The following IL24 variants were observed in gnomAD, a reference collection of about 807,000 sequenced individuals.
IL24 encodes interleukin 24.
In IL24, 24 loss-of-function variants were observed where a neutral mutation model predicts 27.6. The observed-to-expected ratio is 0.87, with a 90% confidence interval of 0.63 to 1.22. IL24 has a LOEUF of 1.22. Ranked by LOEUF, IL24 falls within the 50% of genes most tolerant of loss-of-function variation. The pLI is 0.00. For missense variants in IL24, 240 were observed against 237.0 expected, an observed-to-expected ratio of 1.01 and a Z score of -0.08; for synonymous variants, 99 against 93.1, an observed-to-expected ratio of 1.06 and a Z score of -0.36.
At position 206,903,002 on chromosome 1, in the gene IL24, A is replaced by G. The variant is rs1203456206; in HGVS notation, c.564A>G (p.Lys188=). 6.2e-7 allele frequency: 1 copy of G among 1,614,170 alleles called. No individual in the cohort carries two copies. The highest frequency in any genetic ancestry group is 1.1e-5 in the South Asian group (1 of 91,078). ...KQLDVEAALT[K]ALGEVDILLT... is the part of the protein sequence containing the mutation. ...TGGACGTAGAAGCAGCTCTGACCAAAGCCCTTGGGGAAGTGGACATTCTTC... is the reference window on the plus strand; with the variant it reads ...TGGACGTAGAAGCAGCTCTGACCAAGGCCCTTGGGGAAGTGGACATTCTTC... Residue 188 remains lysine (K), a synonymous_variant, in exon 7 of 7, where the codon AAA becomes AAG. Coordinates refer to ENST00000294984, the MANE Select transcript of IL24 (RefSeq NM_006850.3).
chr1:206,902,072 G>A lies in IL24; in HGVS notation c.537G>A (p.Gln179=). Residue 179 remains glutamine (Q), a splice_region_variant and synonymous_variant, in exon 6 of 7, where the codon CAG becomes CAA. Coordinates refer to ENST00000294984, the MANE Select transcript of IL24 (RefSeq NM_006850.3). ...TGCTATTCCGGAGAGCATTCAAACA[G>A]GTAAGGCCAAGAGCTGAGAGCTTGC... ...RFLLFRRAFK[Q]LDVEAALTKA... The A allele has an allele frequency of 6.2e-7, 1 of 1,613,992 alleles. No individual in the cohort carries two copies. The highest frequency in any genetic ancestry group is 8.5e-7 in the Non-Finnish European group (1 of 1,180,002).
chr1:206,898,825 G>T (rs1678258540), intron 2 of IL24, among the ~76,000 whole-genome samples: 1 of 152,198 alleles, frequency 6.6e-6, no homozygotes, highest in Admixed American at 6.5e-5. Flanking sequence ...GTGATGAGGA[G>T]TGAGGGACAG....
intron 6 of IL24, chr1:206,902,639 G>A: frequency 9.1e-6 from 9 of 985,278 alleles, no homozygotes; most frequent in Non-Finnish European, 1.1e-5. Context: ...TGATGGAGAG[G>A]GGCCACCTGG....
rs1342930590 is a variant in IL24 at position 206,903,168 on chromosome 1, G to C, written c.*109G>C. On this transcript the variant is annotated 3_prime_UTR_variant, in exon 7 of 7. Coordinates refer to ENST00000294984, the MANE Select transcript of IL24 (RefSeq NM_006850.3). ...CTGGACACTTCACGCCCTTGGCCATGGGTCCCATTCTTGGCCCAGGATTAT... is the reference window on the plus strand; with the variant it reads ...CTGGACACTTCACGCCCTTGGCCATCGGTCCCATTCTTGGCCCAGGATTAT... 3.2e-6 allele frequency: 3 copies of C among 929,120 alleles called. No homozygotes were observed. Among genetic ancestry groups the C allele is most frequent in the African/African-American group, 3.3e-5 (2 of 61,276 alleles). The allele number at this position is 929,120 out of a possible 1,614,324, so 57.6% of individuals were successfully genotyped here. A position where few individuals can be genotyped will look rare whatever the true frequency, so the allele number is the denominator to read the frequency against.
chr1:206,898,959 G>A (rs1346619311), intron 2 of IL24, among the ~76,000 whole-genome samples: 1 of 152,154 alleles, frequency 6.6e-6, no homozygotes, highest in Non-Finnish European at 1.5e-5. Flanking sequence ...CTCCCCAGAC[G>A]TGGCACATTA....
At position 206,897,821 on chromosome 1, in the gene IL24, C is replaced by G. The variant is rs572124530; in HGVS notation, c.-12C>G. The G allele has an allele frequency of 1.9e-6, 3 of 1,612,076 alleles. No homozygotes were observed. The highest frequency in any genetic ancestry group is 1.3e-5 in the African/African-American group (1 of 74,814). On this transcript the variant is annotated 5_prime_UTR_variant, in exon 2 of 7. Transcript: ENST00000294984. ...CTTGGGAGGAAGGCCAGGAGGAACA[C>G]GAGACTGAGAGATGAATTTTCAACA...
chr1:206,897,488 A>T lies in IL24; in HGVS notation c.-230A>T, dbSNP rs897413045. 3.4e-5 allele frequency: 6 copies of T among 178,176 alleles called. No homozygotes were observed. The highest frequency in any genetic ancestry group is 1.4e-4 in the African/African-American group (6 of 42,220). 11.0% of individuals were successfully genotyped at this position (178,176 alleles called of 1,614,324 possible). A position where few individuals can be genotyped will look rare whatever the true frequency, so the allele number is the denominator to read the frequency against. ...TTCTGAAATGACTTCCACGGCTGGG[A>T]CGGGAACCTTCCACCCACAGCTATG... On this transcript the variant is annotated 5_prime_UTR_variant, in exon 1 of 7. Coordinates refer to ENST00000294984, the MANE Select transcript of IL24 (RefSeq NM_006850.3).
chr1:206,900,230 A>G, intron 3 of IL24, 65 bp from the exon 4 acceptor site: 1 of 1,417,104 alleles, frequency 7.1e-7, no homozygotes, highest in Non-Finnish European at 1.0e-6. Context: ...AGCAGCACAT[A>G]TTTGCAGAGT....
rs546576083 is a variant in IL24, at chr1:206,898,005, A to T, written c.44+129A>T. The T allele has an allele frequency of 1.4e-4, 75 of 535,244 alleles. 1 individual carries two copies. In the South Asian group the frequency reaches 1.6e-3, roughly 12 times the overall value. 33.2% of individuals were successfully genotyped at this position (535,244 alleles called of 1,614,324 possible). ...CTGTCTCTACTAAAAATACAAAAAA[A>T]AATTAGTTGGGCATGTGTTTTTGAT... is the stretch of plus-strand genomic sequence containing the variant. On this transcript the variant is annotated intron_variant, in intron 2 of 6. Transcript: ENST00000294984.
intron 4 of IL24, 49 bp downstream of exon 4, chr1:206,900,406 G>A (rs1476981081): frequency 6.5e-7 from 1 of 1,547,292 alleles, no homozygotes; most frequent in Non-Finnish European, 8.9e-7. Flanking sequence ...GTCTACTGTG[G>A]GTGGGAGTGC....
chr1:206,900,852 A>C (rs1678350916), intron 4 of IL24, among the ~76,000 whole-genome samples: 1 of 152,118 alleles, frequency 6.6e-6, no homozygotes, highest in Admixed American at 6.5e-5. Context: ...ATGTGAGCTC[A>C]TGTGAAGTGA....
At chr1:206,897,697 C>A in intron 1 of IL24, 34 bp from the exon 2 acceptor site, 4 of 773,902 alleles carry the variant, frequency 5.2e-6, no homozygotes, top group Non-Finnish European at 8.5e-6. Context: ...AAGGTGGGGA[C>A]AGCAGAAGTC....
At chr1:206,901,782 T>C in intron 5 of IL24, 130 bp downstream of exon 5, 1 of 867,084 alleles carries the variant, frequency 1.2e-6, no homozygotes, top group Non-Finnish European at 1.8e-6. Flanking sequence ...AAAATGGGGA[T>C]GATCACTCCT....
intron 3 of IL24, 91 bp from the exon 4 acceptor site, chr1:206,900,204 T>C (rs1381753505): frequency 1.7e-6 from 2 of 1,167,878 alleles, no homozygotes; most frequent in Admixed American, 1.7e-5. Context: ...ACTAGATAGA[T>C]TTAGGGGTCT....
Position 206,902,981 on chromosome 1 carries a change from C to T in IL24, c.543C>T (p.Asp181=), listed in dbSNP as rs377743802. Residue 181 remains aspartate (D), a synonymous_variant, in exon 7 of 7, where the codon GAC becomes GAT. Transcript: ENST00000294984. ...CAACCCTCTTTTCCCTTTAGTTGGA[C>T]GTAGAAGCAGCTCTGACCAAAGCCC... is the stretch of plus-strand genomic sequence containing the variant. ...LLFRRAFKQL[D]VEAALTKALG... 60 of 1,614,006 alleles carry T rather than the reference C, an allele frequency of 3.7e-5. No homozygotes were observed. Among genetic ancestry groups the T allele is most frequent in the Admixed American group, 1.5e-4 (9 of 59,996 alleles).
chr1:206,899,249 G>A (rs1181318452), intron 2 of IL24, 71 bp from the exon 3 acceptor site: 4 of 1,499,964 alleles, frequency 2.7e-6, no homozygotes, highest in Non-Finnish European at 3.6e-6. Flanking sequence ...GACCCTCGGA[G>A]CATTTTCCCA....
chr1:206,899,675 A>G (rs1003781009), intron 3 of IL24, among the ~76,000 whole-genome samples, 160 bp downstream of exon 3: 4 of 152,204 alleles, frequency 2.6e-5, no homozygotes, highest in African/African-American at 9.6e-5. Context: ...AAGGCACCAC[A>G]AGCCCCATTT....
chr1:206,899,960 G>T (rs1678311817), intron 3 of IL24, among the ~76,000 whole-genome samples: 2 of 152,174 alleles, frequency 1.3e-5, no homozygotes, highest in Non-Finnish European at 1.5e-5. Flanking sequence ...GGTTCTTAAA[G>T]CAGATAGGCT....
In IL24 at chr1:206,897,828, G is replaced by A; in HGVS notation, c.-5G>A. On this transcript the variant is annotated 5_prime_UTR_variant, in exon 2 of 7. Transcript: ENST00000294984. ...GGAAGGCCAGGAGGAACACGAGACT[G>A]AGAGATGAATTTTCAACAGAGGCTG... 6.2e-7 allele frequency: 1 copy of A among 1,612,276 alleles called. No individual in the cohort carries two copies.
Sources: allele counts gnomAD v4.1 joint callset (sites outside exome capture counted in the v4.1 genomes callset), GRCh38; gene constraint gnomAD v4.1.1; transcripts MANE v1.5; gene names NCBI Gene and HGNC (gene_info 2026-07-23, HGNC 2026-07-21).